The following ROBO2 variants were observed in gnomAD, a reference collection of about 807,000 sequenced individuals.
ROBO2 encodes roundabout guidance receptor 2, also known as roundabout homolog 2.
In ROBO2, 53 loss-of-function variants were observed where a neutral mutation model predicts 160.8. The observed-to-expected ratio is 0.33, with a 90% CI of 0.26 to 0.41. The LOEUF is 0.41. Ranked by LOEUF, ROBO2 falls within the 10% of genes least tolerant of loss-of-function variation. The pLI is 1.00. For missense variants in ROBO2, 1,577 were observed against 1,722.4 expected, an observed-to-expected ratio of 0.92 and a Z score of 1.49; for synonymous variants, 664 against 611.7, an observed-to-expected ratio of 1.09 and a Z score of -1.26.
intron 2 of ROBO2, among the ~76,000 whole-genome samples, chr3:76,622,245 A>AGAAAGAAAGAAAGAAAGAAAGAAG (rs1560252249): frequency 0.018 from 776 of 44,036 alleles, 32 homozygotes; most frequent in Admixed American, 0.024. Context: ...GAAGAAAGAA[A>AGAAAGAAAGAAAGAAAGAAAGAAG]GAAAGAAAGA....
At chr3:77,130,918 G>A (rs1020235577) in intron 2 of ROBO2, among the ~76,000 whole-genome samples, 2 of 152,064 alleles carry the variant, frequency 1.3e-5, no homozygotes, top group South Asian at 2.1e-4. Context: ...TTAGCATTAC[G>A]TTGTGCAAAC....
chr3:77,127,955 T>C (rs1188875744), intron 2 of ROBO2, among the ~76,000 whole-genome samples: 1 of 152,180 alleles, frequency 6.6e-6, no homozygotes, highest in East Asian at 1.9e-4. Context: ...CTCAGACAAA[T>C]TATTTAGTGT....
intron 2 of ROBO2, among the ~76,000 whole-genome samples, chr3:76,485,617 T>C (rs1185888928): frequency 6.6e-6 from 1 of 152,194 alleles, no homozygotes; most frequent in Non-Finnish European, 1.5e-5. Context: ...CTTTGAGAAA[T>C]AGGTGTCACC....
intron 2 of ROBO2, among the ~76,000 whole-genome samples, chr3:77,105,564 G>A (rs934444711): frequency 5.9e-5 from 9 of 152,174 alleles, no homozygotes; most frequent in Non-Finnish European, 1.3e-4. Flanking sequence ...TTCAAATGCA[G>A]TCTCTCCTTT....
At chr3:76,244,282 T>G in intron 2 of ROBO2, among the ~76,000 whole-genome samples, 1 of 152,294 alleles carries the variant, frequency 6.6e-6, no homozygotes, top group South Asian at 2.1e-4. Context: ...CTTTGTAACA[T>G]AAATTTTGGC....
intron 2 of ROBO2, among the ~76,000 whole-genome samples, chr3:77,126,642 G>A (rs1306022237): frequency 3.3e-5 from 5 of 151,570 alleles, no homozygotes; most frequent in Non-Finnish European, 5.9e-5. Flanking sequence ...GTACCCAAGG[G>A]AACTCTATCA....
At chr3:77,461,074 T>G (rs2082188663) in intron 2 of ROBO2, among the ~76,000 whole-genome samples, 1 of 152,126 alleles carries the variant, frequency 6.6e-6, no homozygotes, top group African/African-American at 2.4e-5. Flanking sequence ...CATATGACTA[T>G]TTTTTATAAT....
At chr3:76,765,814 A>C (rs926857199) in intron 2 of ROBO2, among the ~76,000 whole-genome samples, 2 of 151,702 alleles carry the variant, frequency 1.3e-5, no homozygotes, top group African/African-American at 4.8e-5. Context: ...CTATTAAGCC[A>C]AGTTCTGCCC....
At chr3:77,212,101 A>G (rs7428425) in intron 2 of ROBO2, among the ~76,000 whole-genome samples, 30,189 of 152,018 alleles carry the variant, frequency 0.2, 3,401 homozygotes, top group Middle Eastern at 0.32. Flanking sequence ...GTTTTTTCCA[A>G]TTCTGTGAAG....
rs148194662 is a variant in ROBO2, at chr3:76,125,973, C to T, written c.109+188371C>T. ...TCCCAAATAGCTGGGATGACAGGCG[C>T]GTGCCACCATGCCCAGCTAATTTTT... On this transcript the variant is annotated intron_variant, in intron 2 of 26. Coordinates refer to the ROBO2 transcript ENST00000487694. Among the ~76,000 whole-genome samples, 383 of 152,090 alleles carry T rather than the reference C, an allele frequency of 2.5e-3. 1 individual carries two copies. Among genetic ancestry groups the T allele is most frequent in the African/African-American group, 7.5e-3 (311 of 41,508 alleles).
intron 2 of ROBO2, among the ~76,000 whole-genome samples, chr3:76,208,829 G>C (rs1472323125): frequency 6.6e-6 from 1 of 152,000 alleles, no homozygotes; most frequent in Non-Finnish European, 1.5e-5. Context: ...CTAGCTTCTG[G>C]CTTCCAAAAC....
intron 2 of ROBO2, among the ~76,000 whole-genome samples, chr3:76,974,215 A>G (rs1577968211): frequency 6.6e-6 from 1 of 152,356 alleles, no homozygotes; most frequent in East Asian, 1.9e-4. Flanking sequence ...ATCTGAAAAC[A>G]TAAAAATTCT....
At chr3:77,390,952 C>T (rs2074662319) in intron 2 of ROBO2, among the ~76,000 whole-genome samples, 1 of 151,956 alleles carries the variant, frequency 6.6e-6, no homozygotes, top group African/African-American at 2.4e-5. Context: ...TTCCCTATGC[C>T]TTCTGGATGT....
chr3:77,648,426 G>C (rs751611786), exon 26 of ROBO2: 1 of 152,172 alleles, frequency 6.6e-6, no homozygotes, highest in African/African-American at 2.4e-5. Context: ...TTGGAATAAC[G>C]TGGGCATAGC....
At chr3:77,623,941 G>A (rs1009103441) in intron 23 of ROBO2, among the ~76,000 whole-genome samples, 3 of 152,100 alleles carry the variant, frequency 2.0e-5, no homozygotes. Context: ...ATGCCATTTT[G>A]CACTTTTACA....
intron 2 of ROBO2, among the ~76,000 whole-genome samples, chr3:76,042,369 A>G (rs1252576268): frequency 6.6e-6 from 1 of 152,086 alleles, no homozygotes; most frequent in East Asian, 1.9e-4. Context: ...AGATTAAAAT[A>G]GAAACTGAAC....
intron 2 of ROBO2, among the ~76,000 whole-genome samples, chr3:76,808,866 G>T (rs1172652963): frequency 2.6e-5 from 4 of 151,890 alleles, no homozygotes; most frequent in Non-Finnish European, 5.9e-5. Context: ...CAAAGTGTGT[G>T]GTAGGAAAAT....
rs911584086 is a variant in ROBO2, at chr3:77,150,103, A to G, written c.388+51763A>G. Among the ~76,000 whole-genome samples, 19 of 152,310 alleles carry G rather than the reference A, an allele frequency of 1.2e-4. No individual in the cohort carries two copies. The Middle Eastern group carries it at 0.01, about 82-fold the overall frequency. On this transcript the variant is annotated intron_variant, in intron 2 of 25. Coordinates refer to ENST00000461745, the Ensembl canonical transcript of ROBO2. ...GAAACAAAAATTAGATGTGGAGGAAAACTCTAAATAGGGAACTCTAATGTT... is the reference window on the plus strand; with the variant it reads ...GAAACAAAAATTAGATGTGGAGGAAGACTCTAAATAGGGAACTCTAATGTT...
chr3:76,043,234 T>G lies in ROBO2; in HGVS notation c.109+105632T>G, dbSNP rs190097656. 7.0e-3 allele frequency among the ~76,000 whole-genome samples: 1,063 copies of G among 150,938 alleles called. 65 individuals carry two copies. In the East Asian group the frequency reaches 0.15, roughly 22 times the overall value. On this transcript the variant is annotated intron_variant, in intron 2 of 26. Coordinates refer to the ROBO2 transcript ENST00000487694. ...CGAACATCCCTTACGTGTAAGAACA[T>G]TTTGCCACTGTGCTTTTAGTCATCT...
Sources: gnomAD v4.1 joint callset for allele counts (sites outside exome capture counted in the v4.1 genomes callset) on GRCh38, gnomAD v4.1.1 for gene constraint, MANE v1.5 for transcripts, NCBI Gene and HGNC (gene_info 2026-07-23, HGNC 2026-07-21) for gene names.